CDC42BPA: variants seen among roughly 807,000 people sequenced by gnomAD.
The protein encoded by CDC42BPA is serine/threonine-protein kinase MRCK alpha.
In CDC42BPA, 80 loss-of-function variants were observed where a neutral mutation model predicts 223.5. The ratio of observed to expected loss-of-function variants is 0.36; its 90% CI spans 0.30 to 0.43. The LOEUF is 0.43. Among genes scored for constraint, CDC42BPA ranks in the 20% least tolerant of loss-of-function variants. The probability of loss-of-function intolerance (pLI) is 1.00; values close to 1 mark genes in which losing one functional copy is unlikely to be tolerated. For missense variants in CDC42BPA, 1,743 were observed against 2,099.9 expected (o/e 0.83, Z 3.32); for synonymous variants, 694 against 718.6 (o/e 0.97, Z 0.55).
intron 5 of CDC42BPA, among the ~76,000 whole-genome samples, chr1:227,190,601 A>C (rs1572239184): frequency 6.6e-6 from 1 of 152,084 alleles, no homozygotes; most frequent in Non-Finnish European, 1.5e-5. Context: ...TTTTATTTCT[A>C]TCTTAGGTTT....
chr1:227,111,633 C>T (rs938929583), intron 14 of CDC42BPA, among the ~76,000 whole-genome samples: 5 of 151,918 alleles, frequency 3.3e-5, no homozygotes, highest in African/African-American at 9.7e-5. Flanking sequence ...TACAGGCGTG[C>T]GCACCATGCC....
chr1:227,166,122 CAAT>C (rs1427374815), intron 5 of CDC42BPA, among the ~76,000 whole-genome samples: 26 of 152,206 alleles, frequency 1.7e-4, no homozygotes, highest in Admixed American at 1.3e-3. Context: ...GTTTATCCAA[CAAT>C]GAGTACAATT....
chr1:227,088,317 T>G (rs560764438), intron 16 of CDC42BPA, among the ~76,000 whole-genome samples: 1 of 152,350 alleles, frequency 6.6e-6, no homozygotes, highest in Non-Finnish European at 1.5e-5. Flanking sequence ...AAGTATTAGT[T>G]CATTTTTCAT....
At chr1:227,225,686 C>T (rs1250914013) in intron 2 of CDC42BPA, among the ~76,000 whole-genome samples, 1 of 152,204 alleles carries the variant, frequency 6.6e-6, no homozygotes, top group Non-Finnish European at 1.5e-5. Flanking sequence ...AGTTCCTTCA[C>T]TGATTTCTTT....
At position 227,119,858 on chromosome 1, in the gene CDC42BPA, C is replaced by T. The variant is rs755777497; in HGVS notation, c.1593G>A (p.Lys531=). 1.2e-6 allele frequency: 2 copies of T among 1,601,410 alleles called. No homozygotes were observed. Among genetic ancestry groups the T allele is most frequent in the South Asian group, 1.1e-5 (1 of 89,348 alleles). ...QELDDAFRQI[K]AYEKQIKTLQ... is the part of the protein sequence containing the mutation. Reference sequence around the variant, plus strand: ...ACGTTTTGATTTGTTTTTCATAAGCCTTGATTTGTCTAAAAGCATCATCTA... The same window carrying T: ...ACGTTTTGATTTGTTTTTCATAAGCTTTGATTTGTCTAAAAGCATCATCTA... The change falls in exon 12 of 37, where the codon AAG becomes AAA. Residue 531 remains lysine, a synonymous_variant. Transcript: ENST00000366766.
chr1:227,014,425 TTGGTAA>T (rs1362710164), intron 34 of CDC42BPA, among the ~76,000 whole-genome samples: 5 of 152,070 alleles, frequency 3.3e-5, no homozygotes, highest in African/African-American at 1.2e-4. Flanking sequence ...TTTGATATTA[TTGGTAA>T]TGGTAATAAG....
chr1:227,178,330 C>CA (rs1185465792), intron 5 of CDC42BPA: 1 of 152,648 alleles, frequency 6.6e-6, no homozygotes, highest in Non-Finnish European at 1.5e-5. Context: ...CCACTTTTAT[C>CA]AGGGTTTCTC....
At chr1:227,103,866 G>A (rs1388534515) in intron 14 of CDC42BPA, among the ~76,000 whole-genome samples, 1 of 151,922 alleles carries the variant, frequency 6.6e-6, no homozygotes, top group East Asian at 1.9e-4. Flanking sequence ...AAAGAAAGCA[G>A]AATTAAATAC....
intron 35 of CDC42BPA, among the ~76,000 whole-genome samples, chr1:227,001,120 C>A (rs571023628): frequency 6.6e-6 from 1 of 152,336 alleles, no homozygotes; most frequent in Non-Finnish European, 1.5e-5. Context: ...TTCAATCTGA[C>A]TTTGCATCAT....
chr1:227,014,570 G>GT (rs142094209), intron 34 of CDC42BPA, among the ~76,000 whole-genome samples: 64,725 of 151,404 alleles, frequency 0.43, 14,123 homozygotes, highest in Non-Finnish European at 0.46. Context: ...TTTAAAAGGC[G>GT]TTTTTTTTAA....
chr1:227,287,774 G>A (rs1374309222), intron 1 of CDC42BPA, among the ~76,000 whole-genome samples: 2 of 152,166 alleles, frequency 1.3e-5, no homozygotes, highest in African/African-American at 2.4e-5. Context: ...GACGTATGGT[G>A]ATCAGATCAG....
At chr1:227,038,707 G>T (rs1175374979) in intron 24 of CDC42BPA, among the ~76,000 whole-genome samples, 1 of 152,172 alleles carries the variant, frequency 6.6e-6, no homozygotes, top group Non-Finnish European at 1.5e-5. Flanking sequence ...TTAAACAAGT[G>T]GGATCAAGAT....
Position 227,315,773 on chromosome 1 carries a change from GAGTCTGGC to G in CDC42BPA, c.178+1224_178+1231del, listed in dbSNP as rs1336503486. Among the ~76,000 whole-genome samples the G allele has an allele frequency of 1.3e-5, 2 of 152,128 alleles. 1 individual carries two copies. The highest frequency in any genetic ancestry group is 4.1e-4 in the South Asian group (2 of 4,822). ...TTTAGATTTCTTACATTCCCAGGAT[GAGTCTGGC>G]AGTCTGTTTTGAAAAGTTATTCTAT... On this transcript the variant is annotated intron_variant, in intron 1 of 36. Transcript: ENST00000366766.
At chr1:227,128,914 A>AT (rs1656394479) in intron 11 of CDC42BPA, among the ~76,000 whole-genome samples, 195 bp downstream of exon 11, 1 of 152,180 alleles carries the variant, frequency 6.6e-6, no homozygotes, top group African/African-American at 2.4e-5. Context: ...ATGTATTGCA[A>AT]TAACTGTTTA....
chr1:227,251,378 G>A (rs1171163627), intron 2 of CDC42BPA, among the ~76,000 whole-genome samples: 1 of 151,968 alleles, frequency 6.6e-6, no homozygotes, highest in African/African-American at 2.4e-5. Context: ...CGAAGAAGAA[G>A]CAAGAAATGA....
intron 29 of CDC42BPA, among the ~76,000 whole-genome samples, chr1:227,029,634 C>A (rs2148651248): frequency 6.7e-6 from 1 of 149,930 alleles, no homozygotes; most frequent in South Asian, 2.3e-4. Flanking sequence ...TTCCCATGAT[C>A]TAAGTTGACA....
intron 3 of CDC42BPA, among the ~76,000 whole-genome samples, chr1:227,212,872 T>C (rs553910867): frequency 6.6e-6 from 1 of 152,314 alleles, no homozygotes; most frequent in African/African-American, 2.4e-5. Flanking sequence ...GAAAGTAGTT[T>C]GCAGACATCC....
intron 1 of CDC42BPA, among the ~76,000 whole-genome samples, chr1:227,295,652 T>G (rs1325118123): frequency 6.6e-6 from 1 of 152,176 alleles, no homozygotes. Flanking sequence ...TCCTTTCAAG[T>G]AAAAGACATT....
At chr1:227,184,457 C>CA (rs1201102444) in intron 5 of CDC42BPA, among the ~76,000 whole-genome samples, 1 of 151,398 alleles carries the variant, frequency 6.6e-6, no homozygotes, top group Non-Finnish European at 1.5e-5. Flanking sequence ...GCACCTTTCT[C>CA]AAAATCAGTT....
Sources: gnomAD v4.1 joint callset for allele counts (sites outside exome capture counted in the v4.1 genomes callset) on GRCh38, gnomAD v4.1.1 for gene constraint, MANE v1.5 for transcripts, NCBI Gene and HGNC (gene_info 2026-07-23, HGNC 2026-07-21) for gene names.